Variants in ACER3 observed in about 807,000 individuals in gnomAD.
ACER3 encodes the protein alkCDase 3.
ACER3 carries 16 observed loss-of-function variants against 48.9 expected under a neutral mutation model. The ratio of observed to expected loss-of-function variants is 0.33; its 90% CI spans 0.22 to 0.50. The LOEUF (loss-of-function observed/expected upper bound fraction) is 0.50, where lower values mean the gene tolerates loss of function less well. ACER3 is among the 20% of genes least tolerant of loss of function. The probability of loss-of-function intolerance (pLI) is 0.98; values close to 1 mark genes in which losing one functional copy is unlikely to be tolerated. For synonymous variants in ACER3, 109 were observed against 107.8 expected, an observed-to-expected ratio of 1.01 and a Z score of -0.07; for missense variants, 227 against 326.0, an observed-to-expected ratio of 0.70 and a Z score of 2.34.
intron 1 of ACER3, chr11:76,868,037 A>C: frequency 8.9e-7 from 1 of 1,126,994 alleles, no homozygotes. Flanking sequence ...TTAATCAGCT[A>C]TCTCTGCCAT....
chr11:76,980,376 C>CT (rs1948557665), intron 4 of ACER3, among the ~76,000 whole-genome samples: 2 of 152,142 alleles, frequency 1.3e-5, no homozygotes, highest in Admixed American at 1.3e-4. Flanking sequence ...ACAAAGAACT[C>CT]TTAAGTATTA....
rs1449056830 is a variant in ACER3, at chr11:77,026,573, A to G, written c.*6246A>G. The G allele has an allele frequency of 6.6e-6, 1 of 152,210 alleles. No homozygotes were observed. Among genetic ancestry groups the G allele is most frequent in the Admixed American group, 6.5e-5 (1 of 15,276 alleles). 9.4% of individuals were successfully genotyped at this position (152,210 alleles called of 1,614,324 possible). ...TGTTTGTTCTAGTAGCGATTATTTAATAAACATACATTGTACTGAATCTTA... is the reference window on the plus strand; with the variant it reads ...TGTTTGTTCTAGTAGCGATTATTTAGTAAACATACATTGTACTGAATCTTA... On this transcript the variant is annotated 3_prime_UTR_variant, in exon 11 of 11. Transcript: ENST00000532485.
chr11:76,866,367 G>A (rs1945090281), intron 1 of ACER3, among the ~76,000 whole-genome samples: 1 of 152,150 alleles, frequency 6.6e-6, no homozygotes, highest in Admixed American at 6.5e-5. Context: ...TACATGCTTT[G>A]CTTTCTGTAC....
At chr11:76,914,922 T>A (rs1426276575) in intron 1 of ACER3, among the ~76,000 whole-genome samples, 1 of 152,076 alleles carries the variant, frequency 6.6e-6, no homozygotes, top group Non-Finnish European at 1.5e-5. Context: ...CTGGAAACCA[T>A]CATTCTCAGC....
chr11:76,932,854 C>T (rs1002377065), intron 2 of ACER3, among the ~76,000 whole-genome samples: 3 of 152,000 alleles, frequency 2.0e-5, no homozygotes, highest in African/African-American at 7.3e-5. Context: ...ACTCAAGGGC[C>T]TAATTCTGAC....
chr11:76,938,010 T>C (rs976873450), intron 2 of ACER3, among the ~76,000 whole-genome samples: 12 of 152,100 alleles, frequency 7.9e-5, no homozygotes, highest in African/African-American at 2.7e-4. Flanking sequence ...TTGGGGTTGT[T>C]TGTTTGTCGT....
At chr11:76,936,239 G>A (rs756808174) in intron 2 of ACER3, among the ~76,000 whole-genome samples, 1 of 152,128 alleles carries the variant, frequency 6.6e-6, no homozygotes, top group African/African-American at 2.4e-5. Flanking sequence ...ATACAGTAGA[G>A]TTTTTAAAAA....
At position 76,970,258 on chromosome 11, in the gene ACER3, A is replaced by G. The variant is rs77364771; in HGVS notation, c.268-6031A>G. 7.5e-3 allele frequency among the ~76,000 whole-genome samples: 1,148 copies of G among 152,284 alleles called. 7 individuals carry two copies. Among genetic ancestry groups the G allele is most frequent in the African/African-American group, 0.026 (1,083 of 41,552 alleles). On this transcript the variant is annotated intron_variant, in intron 3 of 10. Transcript: ENST00000532485. ...CCCCTTGGCCAAGAGGGGTTCATCC[A>G]GTCAGTTGGAGAGCTTAGAACTTTA...
intron 3 of ACER3, among the ~76,000 whole-genome samples, chr11:76,963,947 GGGAGTGCC>G (rs1435903244): frequency 6.6e-6 from 1 of 151,414 alleles, no homozygotes; most frequent in African/African-American, 2.5e-5. Flanking sequence ...CATCTCACTG[GGGAGTGCC>G]GGACATTGGG....
chr11:76,979,633 A>G (rs1056306338), intron 4 of ACER3, among the ~76,000 whole-genome samples: 14 of 152,056 alleles, frequency 9.2e-5, no homozygotes, highest in Admixed American at 5.9e-4. Flanking sequence ...AGCCTGGGTG[A>G]CAGAGTGAGA....
At chr11:76,924,987 A>AAAAG (rs1398622326) in intron 1 of ACER3, among the ~76,000 whole-genome samples, 1 of 150,948 alleles carries the variant, frequency 6.6e-6, no homozygotes, top group Non-Finnish European at 1.5e-5. Flanking sequence ...AAAAAAAAAA[A>AAAAG]AAAAAACACC....
At chr11:76,908,520 C>T (rs1447710627) in intron 1 of ACER3, among the ~76,000 whole-genome samples, 1 of 152,024 alleles carries the variant, frequency 6.6e-6, no homozygotes, top group Non-Finnish European at 1.5e-5. Flanking sequence ...GAATGAAATA[C>T]CTAGGAATAT....
chr11:76,865,407 T>G (rs192826349), intron 1 of ACER3, among the ~76,000 whole-genome samples: 33 of 152,286 alleles, frequency 2.2e-4, no homozygotes, highest in Admixed American at 3.3e-4. Flanking sequence ...GTTTTTTTTG[T>G]TAGCATAATT....
intron 3 of ACER3, 44 bp from the exon 4 acceptor site, chr11:76,976,245 G>C: frequency 3.6e-6 from 5 of 1,388,204 alleles, no homozygotes; most frequent in Non-Finnish European, 5.1e-6. Flanking sequence ...AATAATTGCT[G>C]CTCCATGATA....
chr11:76,969,431 C>T (rs1207240170), intron 3 of ACER3, among the ~76,000 whole-genome samples: 2 of 152,132 alleles, frequency 1.3e-5, no homozygotes, highest in Non-Finnish European at 2.9e-5. Flanking sequence ...TTGACCCAGC[C>T]ATCCCATTAT....
At chr11:76,967,163 G>C (rs1462200516) in intron 3 of ACER3, among the ~76,000 whole-genome samples, 6 of 152,154 alleles carry the variant, frequency 3.9e-5, no homozygotes. Flanking sequence ...ACTACCATCA[G>C]AGAATACTAT....
intron 1 of ACER3, among the ~76,000 whole-genome samples, chr11:76,888,257 T>C (rs1450025346): frequency 6.6e-6 from 1 of 152,228 alleles, no homozygotes; most frequent in Non-Finnish European, 1.5e-5. Context: ...TTTTTTAAGA[T>C]GCTAGACAAA....
chr11:76,977,729 G>A (rs550595979), intron 4 of ACER3, among the ~76,000 whole-genome samples: 117 of 152,272 alleles, frequency 7.7e-4, no homozygotes, highest in Non-Finnish European at 1.3e-3. Context: ...TGGGAACCCC[G>A]TCCCCTACTG....
At chr11:76,865,273 C>T (rs1268849487) in intron 1 of ACER3, among the ~76,000 whole-genome samples, 1 of 151,994 alleles carries the variant, frequency 6.6e-6, no homozygotes, top group Non-Finnish European at 1.5e-5. Context: ...GCATGAGCCA[C>T]CATGCCCAGC....
Sources: gnomAD v4.1 joint callset for allele counts (sites outside exome capture counted in the v4.1 genomes callset) on GRCh38, gnomAD v4.1.1 for gene constraint, MANE v1.5 for transcripts, NCBI Gene and HGNC (gene_info 2026-07-23, HGNC 2026-07-21) for gene names.